CYP19A1: variants seen among roughly 807,000 people sequenced by gnomAD.
The protein encoded by CYP19A1 is aromatase.
In CYP19A1, 32 loss-of-function variants were observed where a neutral mutation model predicts 44.4. That is an observed-to-expected ratio of 0.72 (90% CI 0.54 to 0.97). The LOEUF is 0.97. CYP19A1 is among the 50% of genes least tolerant of loss of function. The pLI is 0.00. For missense variants in CYP19A1, 598 were observed against 637.8 expected, an observed-to-expected ratio of 0.94 and a Z score of 0.67; for synonymous variants, 212 against 215.6, an observed-to-expected ratio of 0.98 and a Z score of 0.14.
rs1464016215 is a variant in CYP19A1, at chr15:51,210,889, C to T, written c.1431G>A (p.Leu477=). 8 of 1,593,728 alleles carry T rather than the reference C, an allele frequency of 5.0e-6. No homozygotes were observed. In the East Asian group the frequency reaches 1.3e-4, roughly 27 times the overall value. ...CVESIQKIHD[L]SLHPDETKNM... is the part of the protein sequence containing the mutation. ...TTTTAGTCTCATCTGGGTGCAAGGACAAGTCGTGTATCTTCTGTATGCTCT... is the reference window on the plus strand; with the variant it reads ...TTTTAGTCTCATCTGGGTGCAAGGATAAGTCGTGTATCTTCTGTATGCTCT... The change falls in exon 10 of 10, where the codon TTG becomes TTA. Residue 477 remains leucine, a synonymous_variant. Coordinates refer to ENST00000396402, the MANE Select transcript of CYP19A1 (RefSeq NM_000103.4).
chr15:51,326,211 T>C (rs557212035), intron 1 of CYP19A1, among the ~76,000 whole-genome samples: 17 of 152,290 alleles, frequency 1.1e-4, no homozygotes, highest in Non-Finnish European at 2.2e-4. Context: ...CCAAACCAGA[T>C]TGCCACAGAG....
chr15:51,325,794 C>T (rs780920659), intron 1 of CYP19A1, among the ~76,000 whole-genome samples: 15 of 123,958 alleles, frequency 1.2e-4, no homozygotes, highest in Admixed American at 8.3e-4. Context: ...GCCAAGATGG[C>T]GCCACTGCAC....
intron 3 of CYP19A1, among the ~76,000 whole-genome samples, chr15:51,230,215 A>AC (rs1184073525): frequency 3.3e-5 from 5 of 152,046 alleles, no homozygotes; most frequent in African/African-American, 1.2e-4. Flanking sequence ...TGAACTAAGG[A>AC]CCCCAGCCCA....
At chr15:51,277,004 CTG>C (rs1011060023) in intron 1 of CYP19A1, 1 of 149,444 alleles carries the variant, frequency 6.7e-6, no homozygotes, top group African/African-American at 2.5e-5. Context: ...ATTTGCACCT[CTG>C]AAAGGGCACA....
chr15:51,218,448 AG>A (rs2031776621), intron 6 of CYP19A1, 92 bp downstream of exon 6: 2 of 1,521,420 alleles, frequency 1.3e-6, no homozygotes, highest in South Asian at 1.3e-5. Flanking sequence ...AGAGCAGAAA[AG>A]TTACCTGAGA....
chr15:51,306,432 A>G (rs1253655151), intron 1 of CYP19A1, among the ~76,000 whole-genome samples: 1 of 152,102 alleles, frequency 6.6e-6, no homozygotes, highest in African/African-American at 2.4e-5. Context: ...AAACTAGTGA[A>G]TCATTTTAAT....
At chr15:51,225,041 T>C (rs906599686) in intron 4 of CYP19A1, among the ~76,000 whole-genome samples, 10 of 152,250 alleles carry the variant, frequency 6.6e-5, no homozygotes, top group Admixed American at 6.5e-4. Flanking sequence ...CAATGTGCTT[T>C]AGATGGCCTG....
chr15:51,285,445 T>C (rs1481879446), intron 1 of CYP19A1, among the ~76,000 whole-genome samples: 1 of 152,168 alleles, frequency 6.6e-6, no homozygotes, highest in East Asian at 1.9e-4. Context: ...CTAGTAATAA[T>C]GATAGCTGTG....
chr15:51,222,446 C>G lies in CYP19A1; in HGVS notation c.531G>C (p.Glu177Asp). 1 of 1,614,154 alleles carries G rather than the reference C, an allele frequency of 6.2e-7. No individual in the cohort carries two copies. Residue 177 changes from glutamate to aspartate, a missense_variant, in exon 5 of 10, where the codon GAG (glutamate) becomes GAC (aspartate). By Grantham distance (45) the Glu-to-Asp change is conservative. Coordinates refer to ENST00000396402, the MANE Select transcript of CYP19A1 (RefSeq NM_000103.4). ...SLKTHLDRLE[E>D]VTNESGYVDV... ...CCACATAGCCCGATTCATTGGTCAC[C>G]TCCTCCAACCTGTCCAGATGTGTTT... is the stretch of plus-strand genomic sequence containing the variant.
chr15:51,240,190 G>A (rs558384292), intron 2 of CYP19A1, among the ~76,000 whole-genome samples: 118 of 151,954 alleles, frequency 7.8e-4, no homozygotes, highest in Middle Eastern at 3.4e-3. Context: ...TAATCCCCTC[G>A]GGGCAGAAAC....
intron 1 of CYP19A1, among the ~76,000 whole-genome samples, chr15:51,258,551 A>G (rs1382702938): frequency 6.6e-6 from 1 of 152,106 alleles, no homozygotes; most frequent in Non-Finnish European, 1.5e-5. Flanking sequence ...CTGCACATTT[A>G]TGTGTTCTAG....
intron 6 of CYP19A1, among the ~76,000 whole-genome samples, chr15:51,217,181 C>A (rs935927088): frequency 4.6e-5 from 7 of 152,220 alleles, no homozygotes; most frequent in African/African-American, 1.4e-4. Flanking sequence ...CCCATCTGGG[C>A]ACTAGCCCCA....
rs926983126 is a variant in CYP19A1 at position 51,210,196 on chromosome 15, G to A, written c.*612C>T. On this transcript the variant is annotated 3_prime_UTR_variant, in exon 10 of 10. Coordinates refer to ENST00000396402, the MANE Select transcript of CYP19A1 (RefSeq NM_000103.4). Reference sequence around the variant, plus strand: ...GACAGACTGGGAAAGAATTTCCTCTGATTAAACTTTTGCCACAGACAGATC... The same window carrying A: ...GACAGACTGGGAAAGAATTTCCTCTAATTAAACTTTTGCCACAGACAGATC... The A allele has an allele frequency of 5.2e-5, 19 of 365,510 alleles. No homozygotes were observed. Among genetic ancestry groups the A allele is most frequent in the African/African-American group, 4.0e-4 (19 of 46,992 alleles). 22.6% of individuals were successfully genotyped at this position (365,510 alleles called of 1,614,324 possible). A position where few individuals can be genotyped will look rare whatever the true frequency, so the allele number is the denominator to read the frequency against.
At chr15:51,295,144 T>G (rs1029025284) in intron 1 of CYP19A1, among the ~76,000 whole-genome samples, 70 of 151,970 alleles carry the variant, frequency 4.6e-4, no homozygotes, top group Non-Finnish European at 5.6e-4. Context: ...GTGTTTTTTT[T>G]TTTTTTTTTT....
intron 1 of CYP19A1, among the ~76,000 whole-genome samples, chr15:51,309,161 C>A (rs2141010347): frequency 6.6e-6 from 1 of 152,162 alleles, no homozygotes; most frequent in South Asian, 2.1e-4. Context: ...GAGGGTGGAG[C>A]CCACATGAAT....
chr15:51,323,035 A>G (rs1274680398), intron 1 of CYP19A1, among the ~76,000 whole-genome samples: 2 of 152,264 alleles, frequency 1.3e-5, no homozygotes, highest in Non-Finnish European at 2.9e-5. Flanking sequence ...CTGGAGCTAC[A>G]GGAAGGGCCC....
intron 1 of CYP19A1, among the ~76,000 whole-genome samples, chr15:51,272,924 G>A (rs2035180250): frequency 6.6e-6 from 1 of 152,148 alleles, no homozygotes; most frequent in Non-Finnish European, 1.5e-5. Context: ...TAGGACAACA[G>A]GCTTCATAAT....
chr15:51,230,898 A>G (rs35195836), intron 3 of CYP19A1, among the ~76,000 whole-genome samples: 2,526 of 152,294 alleles, frequency 0.017, 34 homozygotes, highest in Middle Eastern at 0.051. Flanking sequence ...CTGGCATTAC[A>G]GGTGTGAGCC....
intron 1 of CYP19A1, among the ~76,000 whole-genome samples, chr15:51,274,751 G>A (rs941013534): frequency 6.6e-6 from 1 of 152,100 alleles, no homozygotes; most frequent in African/African-American, 2.4e-5. Context: ...CCTGGCCCTC[G>A]CTCCTGTATA....
Sources: allele counts gnomAD v4.1 joint callset (sites outside exome capture counted in the v4.1 genomes callset), GRCh38; gene constraint gnomAD v4.1.1; transcripts MANE v1.5; gene names NCBI Gene and HGNC (gene_info 2026-07-23, HGNC 2026-07-21).